CYP19A1: variants seen among roughly 807,000 people sequenced by gnomAD.
CYP19A1 encodes the protein cytochrome P450 family 19 subfamily A member 1, also known as aromatase.
Under a neutral mutation model 44.4 loss-of-function variants are expected in CYP19A1, and 32 were observed. The ratio of observed to expected loss-of-function variants is 0.72; its 90% CI spans 0.54 to 0.97. The LOEUF is 0.97. CYP19A1 is among the 50% of genes least tolerant of loss of function. The pLI is 0.00. For missense variants in CYP19A1, 598 were observed against 637.8 expected (o/e 0.94, Z 0.67); for synonymous variants, 212 against 215.6 (o/e 0.98, Z 0.14).
At chr15:51,324,468 A>T (rs28757079) in intron 1 of CYP19A1, among the ~76,000 whole-genome samples, 7,092 of 152,300 alleles carry the variant, frequency 0.047, 559 homozygotes, top group African/African-American at 0.16. Context: ...ACACTGATTG[A>T]GCCCCACTCT....
intron 1 of CYP19A1, among the ~76,000 whole-genome samples, chr15:51,320,792 A>G (rs1303012246): frequency 6.6e-6 from 1 of 152,270 alleles, no homozygotes; most frequent in Non-Finnish European, 1.5e-5. Context: ...CATATTAAAA[A>G]GAGAAACAGG....
In CYP19A1 at chr15:51,222,501, C is replaced by T. The variant is rs76174961; in HGVS notation, c.476G>A (p.Arg159His). The change falls in exon 5 of 10, where the codon CGT becomes CAT. Residue 159 changes from arginine to histidine, a missense_variant. Coordinates refer to ENST00000396402, the MANE Select transcript of CYP19A1 (RefSeq NM_000103.4). ...MKALSGPGLV[R>H]MVTVCAESLK... The stretch of plus-strand genomic sequence containing the variant: ...GGATTCAGCACAGACTGTGACCATA[C>T]GAACAAGGCCGGGGCCTGACAGAGC... The T allele has an allele frequency of 1.7e-4, 280 of 1,613,818 alleles. No individual in the cohort carries two copies. Among genetic ancestry groups the T allele is most frequent in the Non-Finnish European group, 2.1e-4 (252 of 1,179,912 alleles).
At chr15:51,309,883 G>A (rs78159445) in intron 1 of CYP19A1, among the ~76,000 whole-genome samples, 1,716 of 152,156 alleles carry the variant, frequency 0.011, 11 homozygotes, top group Middle Eastern at 0.02. Flanking sequence ...CTTGAGGGTG[G>A]GCACTATGTC....
chr15:51,212,430 C>A lies in CYP19A1; in HGVS notation c.1153G>T (p.Gly385Cys), dbSNP rs1476270236. The A allele has an allele frequency of 6.2e-7, 1 of 1,608,070 alleles. No individual in the cohort carries two copies. The highest frequency in any genetic ancestry group is 2.2e-5 in the East Asian group (1 of 44,856). The part of the protein sequence containing the change: ...RKALEDDVID[G>C]YPVKKGTNII... ...TTTGTCCCCTTTTTCACTGGGTAGC[C>A]ATCGATTACATCATCTTCTAAGGCT... Residue 385 changes from glycine (G) to cysteine (C), a missense_variant, in exon 9 of 10, where the codon GGC becomes TGC. Physicochemically the swap from Gly to Cys is radical, Grantham distance 159 (BLOSUM62 -3). Coordinates refer to ENST00000396402, the MANE Select transcript of CYP19A1 (RefSeq NM_000103.4).
chr15:51,216,486 C>A (rs1463932129), intron 6 of CYP19A1, among the ~76,000 whole-genome samples: 1 of 152,170 alleles, frequency 6.6e-6, no homozygotes, highest in Non-Finnish European at 1.5e-5. Context: ...CTCCTGACCT[C>A]AGGTGATCCA....
chr15:51,314,428 C>T (rs1333793526), intron 1 of CYP19A1, among the ~76,000 whole-genome samples: 1 of 152,098 alleles, frequency 6.6e-6, no homozygotes, highest in African/African-American at 2.4e-5. Context: ...CCTGAGGTTC[C>T]TACATAGGTG....
intron 2 of CYP19A1, among the ~76,000 whole-genome samples, chr15:51,238,019 T>C (rs1021183959): frequency 6.6e-6 from 1 of 152,210 alleles, no homozygotes; most frequent in African/African-American, 2.4e-5. Flanking sequence ...ATAATATACA[T>C]AGTGTAAGCT....
rs571884655 is a variant in CYP19A1 at position 51,254,943 on chromosome 15, G to T, written c.-38-11993C>A. On this transcript the variant is annotated intron_variant, in intron 1 of 9. Coordinates refer to ENST00000396402, the MANE Select transcript of CYP19A1 (RefSeq NM_000103.4). ...TGCTCATTTGTGGCTGAAATTTCCT[G>T]TTAGTTGGCTAACAGGAAAAATGAG... Among the ~76,000 whole-genome samples, 20 of 152,240 alleles carry T rather than the reference G, an allele frequency of 1.3e-4. 1 individual carries two copies. The South Asian group carries it at 4.2e-3, about 32-fold the overall frequency.
chr15:51,231,412 G>A (rs536863864), intron 3 of CYP19A1, among the ~76,000 whole-genome samples: 1 of 151,976 alleles, frequency 6.6e-6, no homozygotes, highest in South Asian at 2.1e-4. Context: ...CTACTCATTT[G>A]ACAATTTTCT....
chr15:51,298,656 T>G (rs185794472), intron 1 of CYP19A1, among the ~76,000 whole-genome samples: 1 of 152,314 alleles, frequency 6.6e-6, no homozygotes, highest in Non-Finnish European at 1.5e-5. Flanking sequence ...TCCAAAACAT[T>G]CCCTTCCATG....
At chr15:51,326,580 A>G (rs1347397452) in intron 1 of CYP19A1, among the ~76,000 whole-genome samples, 2 of 152,230 alleles carry the variant, frequency 1.3e-5, no homozygotes, top group African/African-American at 4.8e-5. Flanking sequence ...TAAAGAAAAG[A>G]ACAATGTGTA....
intron 1 of CYP19A1, among the ~76,000 whole-genome samples, chr15:51,278,361 CAG>C (rs903946151): frequency 6.6e-6 from 1 of 152,272 alleles, no homozygotes; most frequent in African/African-American, 2.4e-5. Context: ...CTCCTGTGAA[CAG>C]AGAGTAATAT....
At chr15:51,235,069 C>T (rs958243710) in intron 3 of CYP19A1, among the ~76,000 whole-genome samples, 1 of 152,140 alleles carries the variant, frequency 6.6e-6, no homozygotes, top group Non-Finnish European at 1.5e-5. Context: ...TGTCCCTACC[C>T]CCAAACCCAA....
In CYP19A1 at chr15:51,294,665, G is replaced by A. The variant is rs544836724; in HGVS notation, c.-39+43830C>T. 1.6e-4 allele frequency among the ~76,000 whole-genome samples: 20 copies of A among 125,846 alleles called. 3 individuals are homozygous for A. The highest frequency in any genetic ancestry group is 9.5e-4 in the East Asian group (4 of 4,196). 82.6% of individuals were successfully genotyped at this position (125,846 alleles called of 152,430 possible). ...AGCCCCCCGCCCGGCCAGCCGCCCC[G>A]TCCGGGAGGGAGGTGGGGGGTCAGC... is the stretch of plus-strand genomic sequence containing the variant. On this transcript the variant is annotated intron_variant, in intron 1 of 9. Transcript: ENST00000396402.
chr15:51,301,536 G>A (rs1010240600), intron 1 of CYP19A1, among the ~76,000 whole-genome samples: 1 of 152,190 alleles, frequency 6.6e-6, no homozygotes, highest in African/African-American at 2.4e-5. Context: ...GGAGGCCAGA[G>A]CCCTGCATAC....
intron 1 of CYP19A1, among the ~76,000 whole-genome samples, chr15:51,247,170 C>T (rs1297958273): frequency 6.6e-6 from 1 of 152,106 alleles, no homozygotes; most frequent in Non-Finnish European, 1.5e-5. Flanking sequence ...CTTATTCCTC[C>T]GTCAGCCCCC....
At chr15:51,236,654 T>A (rs1187362117) in intron 3 of CYP19A1, among the ~76,000 whole-genome samples, 1 of 152,228 alleles carries the variant, frequency 6.6e-6, no homozygotes, top group Non-Finnish European at 1.5e-5. Flanking sequence ...CAGAGTTAGT[T>A]ATTTATGTAC....
chr15:51,268,458 A>G (rs1702163146), intron 1 of CYP19A1, among the ~76,000 whole-genome samples: 1 of 151,822 alleles, frequency 6.6e-6, no homozygotes, highest in African/African-American at 2.4e-5. Context: ...GCAGTACTCA[A>G]TTGCATAGCT....
At chr15:51,321,135 C>G (rs578249548) in intron 1 of CYP19A1, 1 of 152,858 alleles carries the variant, frequency 6.5e-6, no homozygotes, top group South Asian at 2.1e-4. Flanking sequence ...TGCCCACACC[C>G]AAGCTACAGC....
Sources: gnomAD v4.1 joint callset for allele counts (sites outside exome capture counted in the v4.1 genomes callset) on GRCh38, gnomAD v4.1.1 for gene constraint, MANE v1.5 for transcripts, NCBI Gene and HGNC (gene_info 2026-07-23, HGNC 2026-07-21) for gene names.